Variants in DNAH2 observed in about 807,000 individuals in gnomAD.
DNAH2 encodes the protein axonemal beta dynein heavy chain 2.
DNAH2 carries 323 observed loss-of-function variants against 523.5 expected under a neutral mutation model. That is an observed-to-expected ratio of 0.62 (90% CI 0.56 to 0.68). DNAH2 has a LOEUF of 0.68. Among genes scored for constraint, DNAH2 ranks in the 30% least tolerant of loss-of-function variants. The pLI, the probability that DNAH2 is intolerant of heterozygous loss-of-function variation, is 0.00. For synonymous variants in DNAH2, 2,093 were observed against 2,177.4 expected (o/e 0.96, Z 1.08); for missense variants, 4,907 against 5,701.5 (o/e 0.86, Z 4.49).
chr17:7,758,570 C>A lies in DNAH2; in HGVS notation c.2127C>A (p.His709Gln). ...TTCGGCTCCTGGATAAGAAGATCCA[C>A]CCGGGACTCAAGAAACTGCACTGGG... ...ERIRLLDKKIHPGLKKLHWAL... is the reference protein window; with the variant it reads ...ERIRLLDKKIQPGLKKLHWAL... The change falls in exon 14 of 86, where the codon CAC (histidine) becomes CAA (glutamine). Residue 709 changes from histidine (H) to glutamine (Q), a missense_variant. His to Gln is a conservative substitution (Grantham distance 24). Around this residue, in one of 3 missense-constraint regions of DNAH2, gnomAD observed 2,806 missense variants for 3,190.8 expected, o/e 0.88. Transcript: ENST00000572933. 3 of 1,614,182 alleles carry A rather than the reference C, an allele frequency of 1.9e-6. No individual in the cohort carries two copies. The highest frequency in any genetic ancestry group is 2.5e-6 in the Non-Finnish European group (3 of 1,180,024).
intron 17 of DNAH2, 56 bp downstream of exon 17, chr17:7,759,994 G>C: frequency 6.2e-7 from 1 of 1,611,758 alleles, no homozygotes; most frequent in South Asian, 1.1e-5. Context: ...TGTCGAGTGG[G>C]CCAGGCCAGG....
At chr17:7,772,882 C>T (rs1470065244) in intron 28 of DNAH2, among the ~76,000 whole-genome samples, 1 of 152,170 alleles carries the variant, frequency 6.6e-6, no homozygotes, top group African/African-American at 2.4e-5. Flanking sequence ...AAGCAATTCT[C>T]CTGCCTCAGC....
In DNAH2 at chr17:7,830,345, C is replaced by G. The variant is rs149406306; in HGVS notation, c.11899C>G (p.Pro3967Ala). 1.2e-6 allele frequency: 2 copies of G among 1,614,248 alleles called. No homozygotes were observed. The highest frequency in any genetic ancestry group is 3.3e-5 in the Admixed American group (2 of 60,032). ...ACGTCTTTACCAACTGATGTCAGAA[C>G]CACAGTTTTCCCGCTGCTCCAAACC... The part of the protein sequence containing the change: ...MTRLYQLMSE[P>A]QFSRCSKPAK... The change falls in exon 78 of 86, where the codon CCA (proline) becomes GCA (alanine). Residue 3967 changes from proline to alanine, a missense_variant. Pro to Ala is a conservative substitution (Grantham distance 27, BLOSUM62 -1). Around this residue, in one of 3 missense-constraint regions of DNAH2, gnomAD observed 1,851 missense variants for 2,139.4 expected, o/e 0.87. Transcript: ENST00000572933.
At position 7,740,965 on chromosome 17, in the gene DNAH2, C is replaced by T. The variant is rs754616982; in HGVS notation, c.1662C>T (p.Leu554=). ...YSGKARWVHI[L]RRRIDRVMTC... The stretch of plus-strand genomic sequence containing the variant: ...GAAAGGCGCGCTGGGTGCACATCCT[C>T]CGGCGTCGCATCGACAGAGTCATGA... Residue 554 remains leucine, a synonymous_variant, in exon 11 of 86, where the codon CTC becomes CTT. Coordinates refer to ENST00000572933, the MANE Select transcript of DNAH2 (RefSeq NM_020877.5). The T allele has an allele frequency of 2.5e-6, 4 of 1,606,462 alleles. No homozygotes were observed. The highest frequency in any genetic ancestry group is 1.3e-5 in the African/African-American group (1 of 74,782).
intron 63 of DNAH2, among the ~76,000 whole-genome samples, chr17:7,815,182 T>C (rs2077625065): frequency 6.6e-6 from 1 of 152,196 alleles, no homozygotes; most frequent in South Asian, 2.1e-4. Flanking sequence ...TTGGGTCAGG[T>C]AGTGCTTGCT....
rs765563572 is a variant in DNAH2 at position 7,737,099 on chromosome 17, C to A, written c.1011C>A (p.Thr337=). The A allele has an allele frequency of 3.1e-6, 5 of 1,614,088 alleles. No individual in the cohort carries two copies. The Admixed American group carries it at 6.7e-5, about 22-fold the overall frequency. ...CTCGTCAAGCACAGTCAAACCTGAC[C>A]TTTTTGTCAATCCTGAAGGAACCTT... ...DGSRQAQSNL[T]FLSILKEPYQ... The change falls in exon 8 of 86, where the codon ACC becomes ACA. Residue 337 remains threonine (T), a synonymous_variant. Transcript: ENST00000572933.
Position 7,760,993 on chromosome 17 carries a change from C to A in DNAH2, c.2978+61C>A, listed in dbSNP as rs1001171186. 1 of 1,589,408 alleles carries A rather than the reference C, an allele frequency of 6.3e-7. No homozygotes were observed. The highest frequency in any genetic ancestry group is 1.3e-5 in the African/African-American group (1 of 74,490). ...GGAGGCACAGCACTGCAGGAGGAGCCCAGGCCTAGAGTCTTGGGAAGTGGG... is the reference window on the plus strand; with the variant it reads ...GGAGGCACAGCACTGCAGGAGGAGCACAGGCCTAGAGTCTTGGGAAGTGGG... On this transcript the variant is annotated intron_variant, in intron 18 of 85. Transcript: ENST00000572933. The surrounding 1 kb of genome is among the most constrained non-coding windows in gnomAD (Gnocchi z 4.0).
rs1251307001 is a variant in DNAH2, at chr17:7,830,459, A to G, written c.12013A>G (p.Ile4005Val). The G allele has an allele frequency of 1.9e-6, 3 of 1,614,228 alleles. No individual in the cohort carries two copies. The Admixed American group carries it at 5.0e-5, about 27-fold the overall frequency. Residue 4005 changes from isoleucine to valine, a missense_variant, in exon 78 of 86, where the codon ATC becomes GTC. Ile to Val is a conservative substitution (Grantham distance 29). Transcript: ENST00000572933. ...AAAGTTCCTGCAGCTTGGCTGGAAC[A>G]TCATCTATGGCTTCAATGACTCCGA... ...RKKFLQLGWNIIYGFNDSDFE... is the reference protein window; with the variant it reads ...RKKFLQLGWNVIYGFNDSDFE...
At chr17:7,724,997 C>A (rs1407818496) in intron 3 of DNAH2, among the ~76,000 whole-genome samples, 3 of 152,052 alleles carry the variant, frequency 2.0e-5, no homozygotes, top group South Asian at 4.1e-4. Flanking sequence ...CCTGCCTCGG[C>A]CTCCCAAAGT....
chr17:7,767,922 TCTGGGAGATCG>T lies in DNAH2; in HGVS notation c.3700_3710del (p.Trp1234ThrfsTer9). ...TAGGAGCTCGATGCCCTCCAGCAAA[TCTGGGAGATCG>T]CACGAGACTGGGAGGAGAACTGGAA... On this transcript the variant is annotated frameshift_variant, in exon 23 of 86. Coordinates refer to ENST00000572933, the MANE Select transcript of DNAH2 (RefSeq NM_020877.5). LOFTEE classifies it high-confidence loss of function. 2 of 1,613,872 alleles carry T rather than the reference TCTGGGAGATCG, an allele frequency of 1.2e-6. No individual in the cohort carries two copies. The highest frequency in any genetic ancestry group is 1.7e-6 in the Non-Finnish European group (2 of 1,179,910).
At chr17:7,763,751 G>T in intron 18 of DNAH2, 80 bp from the exon 19 acceptor site, 1 of 1,553,578 alleles carries the variant, frequency 6.4e-7, no homozygotes, top group South Asian at 1.2e-5. Context: ...GGAAGGAAAT[G>T]AGACCTGCAG....
At chr17:7,816,257 C>T (rs1241452335) in intron 63 of DNAH2, among the ~76,000 whole-genome samples, 1 of 151,854 alleles carries the variant, frequency 6.6e-6, no homozygotes, top group African/African-American at 2.4e-5. Context: ...TCTTGTGTGG[C>T]TTATTATGCT....
chr17:7,805,562 T>C (rs2077346726), intron 61 of DNAH2, among the ~76,000 whole-genome samples, 169 bp downstream of exon 61: 1 of 152,126 alleles, frequency 6.6e-6, no homozygotes, highest in African/African-American at 2.4e-5. Context: ...TAAGGTTCTT[T>C]GGTTGTGGGT....
chr17:7,733,784 G>A (rs1053179515), intron 5 of DNAH2, among the ~76,000 whole-genome samples: 11 of 151,880 alleles, frequency 7.2e-5, no homozygotes, highest in Non-Finnish European at 1.6e-4. Context: ...GCCAAGATCC[G>A]CTTTCTAATC....
At chr17:7,748,860 C>T (rs2075589360) in intron 12 of DNAH2, among the ~76,000 whole-genome samples, 1 of 151,186 alleles carries the variant, frequency 6.6e-6, no homozygotes, top group Non-Finnish European at 1.5e-5. Context: ...ATAAAATTTG[C>T]ATTCTGGAAA....
In DNAH2 at chr17:7,763,880, A is replaced by C; in HGVS notation, c.3028A>C (p.Ile1010Leu). ...NVQKEETVTN[I>L]QFVLLDCSHL... ...GCAGAAGGAGGAGACAGTCACCAAC[A>C]TCCAGTTTGTGCTGCTGGACTGTTC... Residue 1010 changes from isoleucine (I) to leucine (L), a missense_variant, in exon 19 of 86, where the codon ATC (isoleucine) becomes CTC (leucine). Ile to Leu is a conservative substitution (Grantham distance 5). Transcript: ENST00000572933. 6.2e-7 allele frequency: 1 copy of C among 1,614,192 alleles called. No individual in the cohort carries two copies. The highest frequency in any genetic ancestry group is 8.5e-7 in the Non-Finnish European group (1 of 1,180,032).
intron 21 of DNAH2, 80 bp downstream of exon 21, chr17:7,765,645 G>A (rs1344759401): frequency 1.1e-5 from 16 of 1,506,096 alleles, no homozygotes; most frequent in Middle Eastern, 1.8e-4. Flanking sequence ...CTGGGAAGGC[G>A]AGAACTGGGA....
chr17:7,794,367 C>G lies in DNAH2; in HGVS notation c.7674+9C>G. 6.2e-7 allele frequency: 1 copy of G among 1,600,174 alleles called. No individual in the cohort carries two copies. Among genetic ancestry groups the G allele is most frequent in the African/African-American group, 1.3e-5 (1 of 74,246 alleles). On this transcript the variant is annotated intron_variant, in intron 49 of 85. Coordinates refer to ENST00000572933, the MANE Select transcript of DNAH2 (RefSeq NM_020877.5). ...ACATGACCTTCCCCACAGTGAGGAC[C>G]TCATGGGGGCTGCAGGACGAGGGGA...
chr17:7,774,182 A>G (rs966452566), intron 28 of DNAH2, among the ~76,000 whole-genome samples: 1 of 152,180 alleles, frequency 6.6e-6, no homozygotes, highest in African/African-American at 2.4e-5. Flanking sequence ...TTTTGCTTAC[A>G]TTATTAAGTG....
Sources: gnomAD v4.1 joint callset for allele counts (sites outside exome capture counted in the v4.1 genomes callset) on GRCh38, gnomAD v4.1.1 for gene constraint, gnomAD v4.1.1 regional missense constraint, Gnocchi (gnomAD v3.1) non-coding constraint, MANE v1.5 for transcripts, NCBI Gene and HGNC (gene_info 2026-07-23, HGNC 2026-07-21) for gene names.